PRKDC: variants seen among roughly 807,000 people sequenced by gnomAD.
PRKDC encodes DNA-dependent protein kinase catalytic subunit.
In PRKDC, 82 loss-of-function variants were observed where a neutral mutation model predicts 486.9. The ratio of observed to expected loss-of-function variants is 0.17; its 90% CI spans 0.14 to 0.20. PRKDC has a LOEUF of 0.20. Ranked by LOEUF, PRKDC falls within the 10% of genes least tolerant of loss-of-function variation. The probability of loss-of-function intolerance (pLI) is 1.00; values close to 1 mark genes in which losing one functional copy is unlikely to be tolerated. For missense variants in PRKDC, 4,504 were observed against 5,038.2 expected, an observed-to-expected ratio of 0.89 and a Z score of 3.21; for synonymous variants, 1,895 against 1,837.0, an observed-to-expected ratio of 1.03 and a Z score of -0.81.
In PRKDC at chr8:47,839,195, T is replaced by C; in HGVS notation, c.7506A>G (p.Ala2502=). The C allele has an allele frequency of 6.2e-7, 1 of 1,613,912 alleles. No homozygotes were observed. Among genetic ancestry groups the C allele is most frequent in the Non-Finnish European group, 8.5e-7 (1 of 1,179,832 alleles). ...DNDSQEIFKL[A]KDVLIQGLID... ...TCAATCCTTGAATCAGCACATCTTT[T>C]GCCAACTTAAATATTTCCTGGGAGT... The change falls in exon 56 of 86, where the codon GCA becomes GCG. Residue 2502 remains alanine (A), a synonymous_variant. Coordinates refer to ENST00000314191, the MANE Select transcript of PRKDC (RefSeq NM_006904.7).
intron 54 of PRKDC, among the ~76,000 whole-genome samples, chr8:47,841,816 G>A (rs972152127): frequency 2.0e-5 from 3 of 152,198 alleles, no homozygotes; most frequent in South Asian, 2.1e-4. Context: ...TGATCTGGGC[G>A]CAGAAAGCAT....
At chr8:47,828,106 G>T in intron 62 of PRKDC, 62 bp downstream of exon 62, 1 of 1,484,680 alleles carries the variant, frequency 6.7e-7, no homozygotes, top group Non-Finnish European at 9.3e-7. Flanking sequence ...TAGTGATGAT[G>T]GAAAGGCCAT....
At position 47,773,204 on chromosome 8, in the gene PRKDC, C is replaced by A. The variant is rs75498800; in HGVS notation, c.*969G>T. On this transcript the variant is annotated 3_prime_UTR_variant, in exon 86 of 86. Coordinates refer to ENST00000314191, the MANE Select transcript of PRKDC (RefSeq NM_006904.7). ...CAAGTGTTAGAAGGAAAAAAAAAAA[C>A]AACAAAAAGCTAAAAGCCAATCAGA... 36 of 214,184 alleles carry A rather than the reference C, an allele frequency of 1.7e-4. No homozygotes were observed. The highest frequency in any genetic ancestry group is 5.9e-4 in the African/African-American group (26 of 43,806). The allele number at this position is 214,184 out of a possible 1,614,324, so 13.3% of individuals were successfully genotyped here. A position where few individuals can be genotyped will look rare whatever the true frequency, so the allele number is the denominator to read the frequency against.
chr8:47,946,216 AG>A (rs1414448654), intron 7 of PRKDC, among the ~76,000 whole-genome samples: 1 of 151,990 alleles, frequency 6.6e-6, no homozygotes, highest in Non-Finnish European at 1.5e-5. Context: ...CGGTAATCCC[AG>A]CTACTTGGTA....
chr8:47,936,176 T>C (rs540351691), intron 12 of PRKDC, among the ~76,000 whole-genome samples, 177 bp downstream of exon 12: 2 of 152,324 alleles, frequency 1.3e-5, no homozygotes, highest in African/African-American at 2.4e-5. Flanking sequence ...TTTTTTCCTG[T>C]TCTGGATAAC....
rs967938614 is a variant in PRKDC at position 47,929,596 on chromosome 8, G to A, written c.2052+257C>T. On this transcript the variant is annotated intron_variant, in intron 18 of 85. Transcript: ENST00000314191. ...GCAGAAAGCAATGCTCAAGGCTGCCGGTCCTGGGACCATACTTTGAGAGGC... is the reference window on the plus strand; with the variant it reads ...GCAGAAAGCAATGCTCAAGGCTGCCAGTCCTGGGACCATACTTTGAGAGGC... 4.6e-5 allele frequency among the ~76,000 whole-genome samples: 7 copies of A among 152,202 alleles called. No individual in the cohort carries two copies. The South Asian group carries it at 8.3e-4, about 18-fold the overall frequency.
At chr8:47,849,107 G>T in intron 54 of PRKDC, 47 bp downstream of exon 54, 1 of 1,590,072 alleles carries the variant, frequency 6.3e-7, no homozygotes, top group African/African-American at 1.4e-5. Context: ...ATAAATTAAC[G>T]CTTTATGAGC....
In PRKDC at chr8:47,864,913, CAAA is replaced by C. The variant is rs2088772602; in HGVS notation, c.5364-153_5364-151del. Reference sequence around the variant, plus strand: ...ATATATATGCAAAATCCACAAAACACAAAAAGCATTTGCACATGAACCATACTA... The same window carrying C: ...ATATATATGCAAAATCCACAAAACACAAGCATTTGCACATGAACCATACTA... On this transcript the variant is annotated intron_variant, in intron 40 of 85. Coordinates refer to ENST00000314191, the MANE Select transcript of PRKDC (RefSeq NM_006904.7). 6 of 629,310 alleles carry C rather than the reference CAAA, an allele frequency of 9.5e-6. No individual in the cohort carries two copies. The Admixed American group carries it at 1.4e-4, about 15-fold the overall frequency. The allele number at this position is 629,310 out of a possible 1,614,324, so 39.0% of individuals were successfully genotyped here. A position where few individuals can be genotyped will look rare whatever the true frequency, so the allele number is the denominator to read the frequency against.
At chr8:47,924,357 G>A (rs918405286) in intron 21 of PRKDC, among the ~76,000 whole-genome samples, 1 of 151,968 alleles carries the variant, frequency 6.6e-6, no homozygotes, top group Non-Finnish European at 1.5e-5. Flanking sequence ...TCAGGAGTTC[G>A]AGACCAGTCT....
rs566446013 is a variant in PRKDC, at chr8:47,916,983, A to C, written c.2526+1294T>G. The stretch of plus-strand genomic sequence containing the variant: ...ATCTGTACAAAAATTTTGGCAAAGC[A>C]CAGTGGCACACGTCTGTAATCCCAG... On this transcript the variant is annotated intron_variant, in intron 22 of 85. Coordinates refer to ENST00000314191, the MANE Select transcript of PRKDC (RefSeq NM_006904.7). Among the ~76,000 whole-genome samples, 6 of 152,292 alleles carry C rather than the reference A, an allele frequency of 3.9e-5. No homozygotes were observed. In the East Asian group the frequency reaches 1.2e-3, roughly 29 times the overall value.
chr8:47,871,038 G>C (rs1190621953), intron 40 of PRKDC, among the ~76,000 whole-genome samples: 1 of 151,924 alleles, frequency 6.6e-6, no homozygotes, highest in African/African-American at 2.4e-5. Flanking sequence ...ACACAGAGGG[G>C]ACAAAAGAAA....
chr8:47,923,528 G>A (rs192979169), intron 21 of PRKDC, among the ~76,000 whole-genome samples: 16 of 152,354 alleles, frequency 1.1e-4, no homozygotes, highest in African/African-American at 2.9e-4. Flanking sequence ...CAGGATGCAC[G>A]TGTGGCCCAC....
chr8:47,911,044 A>G (rs1277660199), intron 25 of PRKDC, among the ~76,000 whole-genome samples: 2 of 152,222 alleles, frequency 1.3e-5, no homozygotes, highest in African/African-American at 2.4e-5. Flanking sequence ...GAAAACAATT[A>G]TAATAATCTT....
chr8:47,935,702 A>C, intron 13 of PRKDC, 30 bp downstream of exon 13: 1 of 1,601,078 alleles, frequency 6.2e-7, no homozygotes, highest in Non-Finnish European at 8.5e-7. Flanking sequence ...ATCCATCATT[A>C]CTCATAAATA....
At position 47,807,227 on chromosome 8, in the gene PRKDC, T is replaced by G; in HGVS notation, c.9657A>C (p.Glu3219Asp). The G allele has an allele frequency of 6.2e-7, 1 of 1,613,914 alleles. No homozygotes were observed. Among genetic ancestry groups the G allele is most frequent in the African/African-American group, 1.3e-5 (1 of 75,024 alleles). The change falls in exon 69 of 86, where the codon GAA (glutamate) becomes GAC (aspartate). Residue 3219 changes from glutamate (E) to aspartate (D), a missense_variant. Transcript: ENST00000314191. ...TGATATCTTCTTCCTGCTCTTGCACTTCCATCCTGTCACTGGGGTCTCCAT... is the reference window on the plus strand; with the variant it reads ...TGATATCTTCTTCCTGCTCTTGCACGTCCATCCTGTCACTGGGGTCTCCAT... ...DQDGDPSDRMEVQEQEEDISS... is the reference protein window; with the variant it reads ...DQDGDPSDRMDVQEQEEDISS...
intron 40 of PRKDC, among the ~76,000 whole-genome samples, chr8:47,870,111 C>T (rs1250686553): frequency 2.0e-5 from 3 of 152,198 alleles, no homozygotes; most frequent in Admixed American, 2.0e-4. Context: ...GGAGAAATCA[C>T]TGTCTTGAAG....
rs2089324769 is a variant in PRKDC at position 47,886,136 on chromosome 8, A to G, written c.4584T>C (p.Leu1528=). 6.2e-7 allele frequency: 1 copy of G among 1,602,460 alleles called. No homozygotes were observed. Among genetic ancestry groups the G allele is most frequent in the African/African-American group, 1.3e-5 (1 of 74,498 alleles). ...CCGCTGGGTTCAGGAGAAGACTCAC[A>G]AGGCGCTCACACTGGGAAAAAGAAA... ...AFAFGGLCER[L]VSLLLNPAVL... Residue 1528 remains leucine, a synonymous_variant, in exon 36 of 86, where the codon CTT becomes CTC. Coordinates refer to ENST00000314191, the MANE Select transcript of PRKDC (RefSeq NM_006904.7).
chr8:47,899,847 T>C (rs1213467499), intron 28 of PRKDC, among the ~76,000 whole-genome samples: 1 of 152,200 alleles, frequency 6.6e-6, no homozygotes, highest in Non-Finnish European at 1.5e-5. Flanking sequence ...TAGAATTTAA[T>C]TGTAATCATT....
intron 51 of PRKDC, 68 bp from the exon 52 acceptor site, chr8:47,852,852 C>A: frequency 9.4e-7 from 1 of 1,066,128 alleles, no homozygotes. Flanking sequence ...ATATAAATGA[C>A]AATTTTCCTT....
Sources: gnomAD v4.1 joint callset for allele counts (sites outside exome capture counted in the v4.1 genomes callset) on GRCh38, gnomAD v4.1.1 for gene constraint, MANE v1.5 for transcripts, NCBI Gene and HGNC (gene_info 2026-07-23, HGNC 2026-07-21) for gene names.